The following SLC25A15 variants were observed in gnomAD, a reference collection of about 807,000 sequenced individuals.
SLC25A15 encodes solute carrier family 25 member 15.
SLC25A15 carries 24 observed loss-of-function variants against 32.3 expected under a neutral mutation model. The ratio of observed to expected loss-of-function variants is 0.74; its 90% CI spans 0.54 to 1.04. The LOEUF is 1.04. SLC25A15 is among the 50% of genes least tolerant of loss of function. The pLI, the probability that SLC25A15 is intolerant of heterozygous loss-of-function variation, is 0.00. For missense variants in SLC25A15, 317 were observed against 374.5 expected (o/e 0.85, Z 1.27); for synonymous variants, 132 against 142.1 (o/e 0.93, Z 0.51).
intron 3 of SLC25A15, chr13:40,802,269 T>C (rs990538347): frequency 6.6e-6 from 1 of 152,214 alleles, no homozygotes; most frequent in Non-Finnish European, 1.5e-5. Context: ...CTGAACAGCA[T>C]TGGATGGTTT....
In SLC25A15 at chr13:40,790,823, G is replaced by A. The variant is rs1049259043; in HGVS notation, c.-70+1160G>A. On this transcript the variant is annotated intron_variant, in intron 1 of 6. Transcript: ENST00000338625. ...GCTGGTCTCGAACTCCCGACCTCAG[G>A]TGATCCGCCCGCCTTGGCCTCCCAA... 4.6e-5 allele frequency among the ~76,000 whole-genome samples: 7 copies of A among 152,322 alleles called. No individual in the cohort carries two copies. In the South Asian group the frequency reaches 1.2e-3, roughly 27 times the overall value.
Position 40,809,698 on chromosome 13 carries a change from G to C in SLC25A15, c.*31G>C. On this transcript the variant is annotated 3_prime_UTR_variant, in exon 7 of 7. Transcript: ENST00000338625. ...CTTGGTGGGCCTGAGCCAAGCACAGGTGTTTGAGGACTACAGTTCATCTCA... is the reference window on the plus strand; with the variant it reads ...CTTGGTGGGCCTGAGCCAAGCACAGCTGTTTGAGGACTACAGTTCATCTCA... 6.2e-7 allele frequency: 1 copy of C among 1,611,306 alleles called. No individual in the cohort carries two copies. Among genetic ancestry groups the C allele is most frequent in the Non-Finnish European group, 8.5e-7 (1 of 1,178,794 alleles).
intron 3 of SLC25A15, 96 bp downstream of exon 3, chr13:40,799,411 G>A: frequency 6.6e-7 from 1 of 1,524,362 alleles, no homozygotes; most frequent in Non-Finnish European, 9.0e-7. Context: ...AGCACTTTGG[G>A]AGGCAAAGGC....
In SLC25A15 at chr13:40,811,293, A is replaced by G. The variant is rs59670947; in HGVS notation, c.*1626A>G. 0.039 allele frequency among the ~76,000 whole-genome samples: 5,945 copies of G among 152,238 alleles called. 263 individuals carry two copies. Among genetic ancestry groups the G allele is most frequent in the East Asian group, 0.15 (765 of 5,166 alleles). ...GTCACAAGGTCAGGAGTTCGAGAAC[A>G]GCCTGACCAACATGGTGAAACCCCA... On this transcript the variant is annotated 3_prime_UTR_variant, in exon 7 of 7. Transcript: ENST00000338625.
chr13:40,805,395 C>T, intron 4 of SLC25A15, 140 bp downstream of exon 4: 1 of 1,031,138 alleles, frequency 9.7e-7, no homozygotes, highest in South Asian at 1.4e-5. Flanking sequence ...ATGCTTTCCC[C>T]TATCAGAGAT....
intron 3 of SLC25A15, among the ~76,000 whole-genome samples, chr13:40,801,784 A>G (rs1348744706): frequency 6.6e-6 from 1 of 152,216 alleles, no homozygotes; most frequent in African/African-American, 2.4e-5. Context: ...GCTCAGGTAC[A>G]TGTTTGTTGA....
At chr13:40,804,057 T>G (rs1160861593) in intron 3 of SLC25A15, among the ~76,000 whole-genome samples, 11 of 152,204 alleles carry the variant, frequency 7.2e-5, no homozygotes, top group South Asian at 2.1e-4. Flanking sequence ...ATTGAGTGGC[T>G]TAAACAAACA....
intron 3 of SLC25A15, among the ~76,000 whole-genome samples, chr13:40,804,146 A>T (rs922265952): frequency 6.6e-6 from 1 of 152,144 alleles, no homozygotes; most frequent in African/African-American, 2.4e-5. Context: ...CTTGTTCTTA[A>T]TTTGAACATA....
intron 2 of SLC25A15, among the ~76,000 whole-genome samples, chr13:40,794,000 T>G (rs192464429): frequency 1.3e-5 from 2 of 152,346 alleles, no homozygotes; most frequent in Admixed American, 6.5e-5. Context: ...GAAACACCAC[T>G]TACTGTCCCT....
At chr13:40,800,873 T>C (rs760206388) in intron 3 of SLC25A15, among the ~76,000 whole-genome samples, 7 of 152,200 alleles carry the variant, frequency 4.6e-5, no homozygotes, top group Non-Finnish European at 1.0e-4. Flanking sequence ...CGTCACAGTG[T>C]CTCTCTCGTG....
At position 40,807,406 on chromosome 13, in the gene SLC25A15, G is replaced by C. The variant is rs151239794; in HGVS notation, c.565G>C (p.Gly189Arg). 14 of 1,613,968 alleles carry C rather than the reference G, an allele frequency of 8.7e-6. No homozygotes were observed. The African/African-American group carries it at 1.6e-4, about 18-fold the overall frequency. ...AGTACCAGGCTATTTCTTCTTCTTC[G>C]GTGGCTATGAACTGAGCCGGTCCTT... ...REVPGYFFFFGGYELSRSFFA... is the reference protein window; with the variant it reads ...REVPGYFFFFRGYELSRSFFA... Residue 189 changes from glycine (G) to arginine (R), a missense_variant, in exon 5 of 7, where the codon GGT becomes CGT. Physicochemically the swap from Gly to Arg is moderately radical, Grantham distance 125. Transcript: ENST00000338625.
At position 40,805,095 on chromosome 13, in the gene SLC25A15, A is replaced by C. The variant is rs775394895; in HGVS notation, c.315-23A>C. 4 of 1,613,820 alleles carry C rather than the reference A, an allele frequency of 2.5e-6. No individual in the cohort carries two copies. The East Asian group carries it at 8.9e-5, about 36-fold the overall frequency. ...AAAGGAATGAAGAAACTGAGGGGTA[A>C]CTGTCTGCTTGTGTGCTTTCAGTGA... On this transcript the variant is annotated intron_variant, in intron 3 of 6. Transcript: ENST00000338625.
In SLC25A15 at chr13:40,809,591, T is replaced by G. The variant is rs1226546255; in HGVS notation, c.830T>G (p.Phe277Cys). ...CTGAAACCTACTATGATTCGAGCAT[T>G]CCCTGCCAATGGAGCACTCTTTTTG... ...SGLKPTMIRA[F>C]PANGALFLAY... Residue 277 changes from phenylalanine to cysteine, a missense_variant, in exon 7 of 7, where the codon TTC (phenylalanine) becomes TGC (cysteine). Coordinates refer to ENST00000338625, the MANE Select transcript of SLC25A15 (RefSeq NM_014252.4). 1 of 1,612,204 alleles carries G rather than the reference T, an allele frequency of 6.2e-7. No homozygotes were observed. The highest frequency in any genetic ancestry group is 2.2e-5 in the East Asian group (1 of 44,886).
rs144478873 is a variant in SLC25A15, at chr13:40,796,171, C to T, written c.56-2886C>T. 4.1e-3 allele frequency among the ~76,000 whole-genome samples: 629 copies of T among 152,256 alleles called. 2 individuals are homozygous for T. The highest frequency in any genetic ancestry group is 7.3e-3 in the Non-Finnish European group (495 of 68,014). On this transcript the variant is annotated intron_variant, in intron 2 of 6. Transcript: ENST00000338625. ...TGTAAGCACAGAGCCAGCTGCAGCC[C>T]GAGGTGATGTGGATGGAGCTTAAAT...
At chr13:40,797,636 T>G (rs1029868221) in intron 2 of SLC25A15, among the ~76,000 whole-genome samples, 1 of 152,178 alleles carries the variant, frequency 6.6e-6, no homozygotes, top group African/African-American at 2.4e-5. Flanking sequence ...AGAGATCATA[T>G]TGCTTGTTGC....
At chr13:40,807,150 G>A in intron 4 of SLC25A15, 144 bp from the exon 5 acceptor site, 1 of 800,786 alleles carries the variant, frequency 1.2e-6, no homozygotes, top group Non-Finnish European at 2.2e-6. Context: ...ATGCCGTTGA[G>A]TCTTAATTCC....
At chr13:40,808,874 G>T (rs569399301) in intron 6 of SLC25A15, among the ~76,000 whole-genome samples, 2 of 146,784 alleles carry the variant, frequency 1.4e-5, no homozygotes, top group South Asian at 4.2e-4. Flanking sequence ...GGCGGAGCTT[G>T]CAGTGAGCTG....
chr13:40,808,008 A>C (rs1882264614), intron 5 of SLC25A15, among the ~76,000 whole-genome samples: 1 of 152,208 alleles, frequency 6.6e-6, no homozygotes, highest in Non-Finnish European at 1.5e-5. Flanking sequence ...GTTTAATAAA[A>C]ACAATTTTGG....
intron 2 of SLC25A15, among the ~76,000 whole-genome samples, chr13:40,797,565 A>G (rs1367858293): frequency 1.3e-5 from 2 of 152,192 alleles, no homozygotes; most frequent in Non-Finnish European, 2.9e-5. Flanking sequence ...TAATTTGGCA[A>G]TTAAAGGCGG....
Sources: allele counts gnomAD v4.1 joint callset (sites outside exome capture counted in the v4.1 genomes callset), GRCh38; gene constraint gnomAD v4.1.1; transcripts MANE v1.5; gene names NCBI Gene and HGNC (gene_info 2026-07-23, HGNC 2026-07-21).